The following DIAPH2 variants were observed in gnomAD, a reference collection of about 807,000 sequenced individuals.
DIAPH2 encodes the protein protein diaphanous homolog 2.
In DIAPH2, 35 loss-of-function variants were observed where a neutral mutation model predicts 92.7. That is an observed-to-expected ratio of 0.38 (90% CI 0.29 to 0.50). The LOEUF is 0.50. Ranked by LOEUF, DIAPH2 falls within the 20% of genes least tolerant of loss-of-function variation. DIAPH2 has a pLI of 0.94. For missense variants in DIAPH2, 701 were observed against 819.5 expected (o/e 0.86, Z 1.77); for synonymous variants, 301 against 280.4 (o/e 1.07, Z -0.73).
intron 26 of DIAPH2, among the ~76,000 whole-genome samples, chrX:97,437,149 C>T (rs2070195221): frequency 9.0e-6 from 1 of 111,507 alleles, no homozygotes; most frequent in Non-Finnish European, 1.9e-5. Flanking sequence ...TTTATTATTA[C>T]TAGGTCTTGC....
intron 22 of DIAPH2, among the ~76,000 whole-genome samples, chrX:97,190,316 C>T (rs1190755642): frequency 8.9e-6 from 1 of 112,674 alleles, no homozygotes; most frequent in African/African-American, 3.2e-5. Flanking sequence ...GGATATTACG[C>T]CAGTCCAGAT....
intron 4 of DIAPH2, among the ~76,000 whole-genome samples, chrX:96,872,003 A>G (rs1040523509): frequency 8.9e-6 from 1 of 112,330 alleles, no homozygotes; most frequent in Non-Finnish European, 1.9e-5. Context: ...AGTTACATAT[A>G]GTATGATTTC....
Position 96,685,165 on chromosome X carries a change from A to C in DIAPH2, c.107A>C (p.Glu36Ala). 9.9e-7 allele frequency: 1 copy of C among 1,010,172 alleles called. No homozygotes were observed. The highest frequency in any genetic ancestry group is 1.3e-6 in the Non-Finnish European group (1 of 788,830). The allele number at this position is 1,010,172 out of a possible 1,213,427, so 83.2% of individuals were successfully genotyped here. A position where few individuals can be genotyped will look rare whatever the true frequency, so the allele number is the denominator to read the frequency against. ...GCGGGGAACCGGGCCGCCAATGAAG[A>C]GGAAACGAAAAACAAACCCAAATTG... ...RSAGNRAANE[E>A]ETKNKPKLNI... The change falls in exon 1 of 27, where the codon GAG becomes GCG. Residue 36 changes from glutamate to alanine, a missense_variant. This residue lies in a region of DIAPH2 where 131 missense variants were observed against 145.6 expected (regional missense o/e 0.90). Transcript: ENST00000324765.
chrX:97,555,898 A>G (rs932550374), intron 26 of DIAPH2, among the ~76,000 whole-genome samples: 6 of 112,008 alleles, frequency 5.4e-5, no homozygotes, highest in African/African-American at 1.9e-4. Context: ...TTAGGCAACA[A>G]CAGTAATAGC....
At chrX:97,159,621 C>G (rs777928359) in intron 22 of DIAPH2, among the ~76,000 whole-genome samples, 13 of 111,761 alleles carry the variant, frequency 1.2e-4, no homozygotes, top group Non-Finnish European at 2.4e-4. Context: ...GTTAAACTGA[C>G]AAGTTTGAGA....
intron 26 of DIAPH2, among the ~76,000 whole-genome samples, chrX:97,552,150 A>G (rs1412200771): frequency 8.9e-6 from 1 of 111,785 alleles, no homozygotes; most frequent in African/African-American, 3.3e-5. Flanking sequence ...TGTAAACTCA[A>G]TGATTTTGAG....
intron 26 of DIAPH2, among the ~76,000 whole-genome samples, chrX:97,484,364 A>AGGT (rs2070672859): frequency 1.8e-5 from 2 of 112,232 alleles, no homozygotes; most frequent in Non-Finnish European, 3.8e-5. Flanking sequence ...TGTATGTAAC[A>AGGT]ATGCCTACCT....
intron 17 of DIAPH2, among the ~76,000 whole-genome samples, chrX:97,070,252 C>T (rs1165300461): frequency 9.0e-6 from 1 of 110,847 alleles, no homozygotes; most frequent in Non-Finnish European, 1.9e-5. Context: ...TCATTATGAA[C>T]CTGAGGACCA....
chrX:96,946,104 A>T (rs1221711628), intron 14 of DIAPH2, among the ~76,000 whole-genome samples: 1 of 111,468 alleles, frequency 9.0e-6, no homozygotes, highest in African/African-American at 3.2e-5. Context: ...TTTGTAAGTG[A>T]TGCTGCTACT....
intron 26 of DIAPH2, among the ~76,000 whole-genome samples, chrX:97,519,733 T>G (rs1304691642): frequency 2.7e-5 from 3 of 111,636 alleles, no homozygotes; most frequent in African/African-American, 9.7e-5. Context: ...TTTTTATTTT[T>G]TATTTTTATT....
intron 22 of DIAPH2, among the ~76,000 whole-genome samples, chrX:97,236,579 C>G (rs1193803691): frequency 1.1e-5 from 1 of 92,500 alleles, no homozygotes; most frequent in Non-Finnish European, 2.1e-5. Context: ...GAGTCTCGCT[C>G]TATCGCCCAG....
intron 26 of DIAPH2, among the ~76,000 whole-genome samples, chrX:97,465,708 G>C (rs1248171730): frequency 9.0e-6 from 1 of 111,548 alleles, no homozygotes; most frequent in Non-Finnish European, 1.9e-5. Context: ...TTTGTTTTGA[G>C]GTGAAGTTTT....
intron 23 of DIAPH2, among the ~76,000 whole-genome samples, chrX:97,334,993 CAAAACAA>C (rs1398523662): frequency 0.068 from 454 of 6,634 alleles, 6 homozygotes; most frequent in African/African-American, 0.11. Context: ...AAAACAAAAA[CAAAACAA>C]AAAAAAAAAA....
intron 4 of DIAPH2, among the ~76,000 whole-genome samples, chrX:96,781,798 A>G (rs1434279537): frequency 1.8e-5 from 2 of 111,171 alleles, no homozygotes; most frequent in Admixed American, 1.9e-4. Context: ...TTAATTCTTT[A>G]AGGTTGTATT....
intron 4 of DIAPH2, among the ~76,000 whole-genome samples, chrX:96,854,598 CATATATAT>C (rs57209486): frequency 0.017 from 629 of 37,075 alleles, 14 homozygotes; most frequent in African/African-American, 0.018. Flanking sequence ...CTCTCTCTCT[CATATATAT>C]ATATATATAT....
rs186407917 is a variant in DIAPH2 at position 96,815,328 on chromosome X, C to T, written c.447+57070C>T. On this transcript the variant is annotated intron_variant, in intron 4 of 26. Coordinates refer to ENST00000324765, the MANE Select transcript of DIAPH2 (RefSeq NM_006729.5). ...AAGGCTCCATGGACGTGGGACCCAC[C>T]GAGCCAGGCGCGGGATATAATCTTC... is the stretch of plus-strand genomic sequence containing the variant. Among the ~76,000 whole-genome samples the T allele has an allele frequency of 8.5e-3, 950 of 111,942 alleles. 8 individuals are homozygous for T. The highest frequency in any genetic ancestry group is 0.013 in the Non-Finnish European group (706 of 53,112).
intron 19 of DIAPH2, among the ~76,000 whole-genome samples, chrX:97,075,641 G>T (rs1281644406): frequency 8.9e-6 from 1 of 111,739 alleles, no homozygotes; most frequent in African/African-American, 3.3e-5. Context: ...AGGTTAAATA[G>T]CTTGCTGAAA....
chrX:97,217,973 G>A (rs2067897263), intron 22 of DIAPH2, among the ~76,000 whole-genome samples: 2 of 111,007 alleles, frequency 1.8e-5, no homozygotes, highest in South Asian at 7.7e-4. Flanking sequence ...AAGTAACAAC[G>A]CAAACTTATT....
intron 17 of DIAPH2, among the ~76,000 whole-genome samples, chrX:97,055,790 G>T (rs1319002183): frequency 9.0e-6 from 1 of 111,445 alleles, no homozygotes; most frequent in Non-Finnish European, 1.9e-5. Context: ...AGAGAAGTCT[G>T]GTCTTTGAAG....
Sources: allele counts gnomAD v4.1 joint callset (sites outside exome capture counted in the v4.1 genomes callset), GRCh38; gene constraint gnomAD v4.1.1; regional missense constraint gnomAD v4.1.1; transcripts MANE v1.5; gene names NCBI Gene and HGNC (gene_info 2026-07-23, HGNC 2026-07-21).